The following RAB2A variants were observed in gnomAD, a reference collection of about 807,000 sequenced individuals.
RAB2A encodes the protein ras-related protein Rab-2A.
RAB2A carries 7 observed loss-of-function variants against 32.5 expected under a neutral mutation model. The ratio of observed to expected loss-of-function variants is 0.22; its 90% confidence interval spans 0.12 to 0.40. The LOEUF (loss-of-function observed/expected upper bound fraction) is 0.40, where lower values mean the gene tolerates loss of function less well. Ranked by LOEUF, RAB2A falls within the 10% of genes least tolerant of loss-of-function variation. RAB2A has a pLI of 1.00. For synonymous variants in RAB2A, 79 were observed against 85.2 expected (o/e 0.93, Z 0.40); for missense variants, 108 against 260.7 (o/e 0.41, Z 4.03).
intron 6 of RAB2A, among the ~76,000 whole-genome samples, chr8:60,596,801 G>A (rs769366145): frequency 6.6e-6 from 1 of 152,044 alleles, no homozygotes; most frequent in Non-Finnish European, 1.5e-5. Flanking sequence ...GGCGCCTGTA[G>A]TCCCAGCTAC....
chr8:60,606,134 G>T (rs1055035728), intron 6 of RAB2A, among the ~76,000 whole-genome samples: 1 of 151,632 alleles, frequency 6.6e-6, no homozygotes, highest in Non-Finnish European at 1.5e-5. Flanking sequence ...GGGTGACAGA[G>T]TGAGACTCCG....
intron 1 of RAB2A, among the ~76,000 whole-genome samples, chr8:60,517,860 C>G (rs1367094447): frequency 6.6e-6 from 1 of 152,024 alleles, no homozygotes; most frequent in Non-Finnish European, 1.5e-5. Context: ...CAGAATAAGT[C>G]ACATCTCATT....
chr8:60,615,672 CT>C, intron 6 of RAB2A, among the ~76,000 whole-genome samples: 1 of 152,160 alleles, frequency 6.6e-6, no homozygotes, highest in Admixed American at 6.6e-5. Context: ...TTTATTTGAC[CT>C]CTCATAAGCC....
chr8:60,559,145 GT>G (rs1464485670), intron 2 of RAB2A: 1 of 423,352 alleles, frequency 2.4e-6, no homozygotes, highest in Middle Eastern at 6.3e-4. Context: ...AAAGACAGTA[GT>G]TTTTAAGATT....
intron 1 of RAB2A, among the ~76,000 whole-genome samples, chr8:60,521,520 T>G (rs1763389473): frequency 6.6e-6 from 1 of 152,274 alleles, no homozygotes; most frequent in South Asian, 2.1e-4. Flanking sequence ...TCAAGCTTAC[T>G]TCTAATTCCC....
intron 2 of RAB2A, among the ~76,000 whole-genome samples, chr8:60,564,209 G>T (rs1714998004): frequency 6.6e-6 from 1 of 152,060 alleles, no homozygotes; most frequent in African/African-American, 2.4e-5. Flanking sequence ...TCAGAAAATA[G>T]AGGCAAGTAG....
intron 6 of RAB2A, among the ~76,000 whole-genome samples, chr8:60,594,633 GC>G (rs1375081626): frequency 6.6e-6 from 1 of 151,990 alleles, no homozygotes; most frequent in African/African-American, 2.4e-5. Context: ...CCCTCCCCCA[GC>G]CCTTCAACCC....
intron 3 of RAB2A, among the ~76,000 whole-genome samples, chr8:60,572,537 T>C (rs1808211723): frequency 6.6e-6 from 1 of 152,222 alleles, no homozygotes; most frequent in Non-Finnish European, 1.5e-5. Flanking sequence ...ATCCTAATTC[T>C]GTCATACCCT....
intron 2 of RAB2A, among the ~76,000 whole-genome samples, chr8:60,564,234 A>G (rs1808070363): frequency 6.6e-6 from 1 of 152,206 alleles, no homozygotes; most frequent in Non-Finnish European, 1.5e-5. Context: ...GGATTTTCAC[A>G]GGTTTCCACC....
intron 5 of RAB2A, 50 bp downstream of exon 5, chr8:60,584,865 C>G (rs1348622392): frequency 2.3e-6 from 3 of 1,319,828 alleles, no homozygotes; most frequent in Non-Finnish European, 3.2e-6. Flanking sequence ...GAAGACTGTA[C>G]TGTTTATTTG....
Position 60,620,943 on chromosome 8 carries a change from A to T in RAB2A, c.*174A>T. The T allele has an allele frequency of 1.8e-6, 1 of 556,014 alleles. No homozygotes were observed. 34.4% of individuals were successfully genotyped at this position (556,014 alleles called of 1,614,324 possible). On this transcript the variant is annotated 3_prime_UTR_variant, in exon 8 of 8. Transcript: ENST00000262646. Reference sequence around the variant, plus strand: ...TAAATGGTTAATGTTCACTTAAAAGACAGATTTTGGAGATTGTATTCATAT... The same window carrying T: ...TAAATGGTTAATGTTCACTTAAAAGTCAGATTTTGGAGATTGTATTCATAT...
At chr8:60,564,629 TTC>T (rs1281744743) in intron 2 of RAB2A, among the ~76,000 whole-genome samples, 2 of 152,246 alleles carry the variant, frequency 1.3e-5, no homozygotes, top group Admixed American at 6.5e-5. Flanking sequence ...CCCAAATAGT[TTC>T]TGATTTTTCC....
chr8:60,517,157 A>T lies in RAB2A; in HGVS notation c.-51A>T. On this transcript the variant is annotated 5_prime_UTR_variant, in exon 1 of 8. Coordinates refer to ENST00000262646, the MANE Select transcript of RAB2A (RefSeq NM_002865.3). The stretch of plus-strand genomic sequence containing the variant: ...CACCGGGGTTGGGGCGCGGAGGAGG[A>T]GCAGCAGCGGGAGGAGGAGCCGTGT... 6.8e-7 allele frequency: 1 copy of T among 1,464,180 alleles called. No homozygotes were observed. The highest frequency in any genetic ancestry group is 9.1e-7 in the Non-Finnish European group (1 of 1,103,652). The allele number at this position is 1,464,180 out of a possible 1,614,324, so 90.7% of individuals were successfully genotyped here.
At chr8:60,553,987 G>A (rs1363203458) in intron 1 of RAB2A, among the ~76,000 whole-genome samples, 1 of 152,136 alleles carries the variant, frequency 6.6e-6, no homozygotes, top group Non-Finnish European at 1.5e-5. Context: ...CATTTCAGGG[G>A]ACAATGGTTT....
chr8:60,550,639 G>A (rs1204074742), intron 1 of RAB2A, among the ~76,000 whole-genome samples: 15 of 152,072 alleles, frequency 9.9e-5, no homozygotes, highest in Non-Finnish European at 1.9e-4. Context: ...CACCTACCTT[G>A]GCCTCCCAAA....
intron 2 of RAB2A, among the ~76,000 whole-genome samples, chr8:60,566,371 T>TA (rs2130836107): frequency 6.6e-6 from 1 of 152,352 alleles, no homozygotes; most frequent in South Asian, 2.1e-4. Flanking sequence ...TTCGTATGTT[T>TA]AAGAACTATT....
intron 1 of RAB2A, among the ~76,000 whole-genome samples, chr8:60,540,286 G>A (rs1278768085): frequency 6.6e-6 from 1 of 151,636 alleles, no homozygotes; most frequent in Admixed American, 6.6e-5. Context: ...AAATGTTCCA[G>A]AGAAGAGGTT....
At chr8:60,604,909 C>G (rs1374915877) in intron 6 of RAB2A, among the ~76,000 whole-genome samples, 1 of 152,198 alleles carries the variant, frequency 6.6e-6, no homozygotes, top group Non-Finnish European at 1.5e-5. Context: ...TTCAGACAGG[C>G]TGCAGAAATT....
At chr8:60,562,039 A>G (rs1808033800) in intron 2 of RAB2A, among the ~76,000 whole-genome samples, 1 of 151,852 alleles carries the variant, frequency 6.6e-6, no homozygotes, top group South Asian at 2.1e-4. Context: ...GCTGCTTGCT[A>G]CTCCCTGAAT....
Sources: allele counts gnomAD v4.1 joint callset (sites outside exome capture counted in the v4.1 genomes callset), GRCh38; gene constraint gnomAD v4.1.1; transcripts MANE v1.5; gene names NCBI Gene and HGNC (gene_info 2026-07-23, HGNC 2026-07-21).